C6orf132: variants seen among roughly 807,000 people sequenced by gnomAD.
The protein encoded by C6orf132 is uncharacterized protein C6orf132.
C6orf132 carries 43 observed loss-of-function variants against 65.3 expected under a neutral mutation model. The observed-to-expected ratio is 0.66, with a 90% CI of 0.52 to 0.85. The LOEUF (loss-of-function observed/expected upper bound fraction) is 0.85, where lower values mean the gene tolerates loss of function less well. Ranked by LOEUF, C6orf132 falls within the 40% of genes least tolerant of loss-of-function variation. The probability of loss-of-function intolerance (pLI) is 0.00; values close to 1 mark genes in which losing one functional copy is unlikely to be tolerated. For synonymous variants in C6orf132, 631 were observed against 654.1 expected (o/e 0.96, Z 0.54); for missense variants, 1,488 against 1,548.8 (o/e 0.96, Z 0.66).
In C6orf132 at chr6:42,105,511, C is replaced by T. The variant is rs559521854; in HGVS notation, c.2401G>A (p.Val801Met). The change falls in exon 4 of 5, where the codon GTG (valine) becomes ATG (methionine). Residue 801 changes from valine (V) to methionine (M), a missense_variant. Transcript: ENST00000341865. ...RGGAAGPGEPVEVKEPPGLPA... is the reference protein window; with the variant it reads ...RGGAAGPGEPMEVKEPPGLPA... Reference sequence around the variant, plus strand: ...AGCCCTGGGGGCTCCTTCACCTCCACGGGCTCCCCTGGCCCTGCAGCCCCT... The same window carrying T: ...AGCCCTGGGGGCTCCTTCACCTCCATGGGCTCCCCTGGCCCTGCAGCCCCT... 4.2e-4 allele frequency: 643 copies of T among 1,532,816 alleles called. 10 individuals carry two copies. In the South Asian group the frequency reaches 7.0e-3, roughly 17 times the overall value. The allele number at this position is 1,532,816 out of a possible 1,614,324, so 95.0% of individuals were successfully genotyped here.
chr6:42,128,541 C>A lies in C6orf132; in HGVS notation c.252+131G>T, dbSNP rs954677609. On this transcript the variant is annotated intron_variant, in intron 2 of 4. Coordinates refer to ENST00000341865, the MANE Select transcript of C6orf132 (RefSeq NM_001164446.3). ...GACCATGCCTCCTTCCAGTAGCCCC[C>A]CTTCCCGCCGGGTCAGCATCAGGAA... 15 of 670,396 alleles carry A rather than the reference C, an allele frequency of 2.2e-5. No individual in the cohort carries two copies. The African/African-American group carries it at 2.3e-4, about 10-fold the overall frequency. 41.5% of individuals were successfully genotyped at this position (670,396 alleles called of 1,614,324 possible).
chr6:42,112,632 C>A (rs1008689892), intron 2 of C6orf132, among the ~76,000 whole-genome samples: 1 of 152,208 alleles, frequency 6.6e-6, no homozygotes, highest in African/African-American at 2.4e-5. Context: ...CCAGAGCAAC[C>A]CACAGCCAAG....
chr6:42,137,327 C>T (rs114146452), intron 1 of C6orf132, among the ~76,000 whole-genome samples: 2,206 of 152,252 alleles, frequency 0.014, 25 homozygotes, highest in Non-Finnish European at 0.022. Flanking sequence ...TACAATGGGG[C>T]GGCGGAGGGT....
chr6:42,119,272 AAAAG>A (rs1210205882), intron 2 of C6orf132, among the ~76,000 whole-genome samples: 4 of 142,046 alleles, frequency 2.8e-5, no homozygotes, highest in Non-Finnish European at 6.1e-5. Context: ...AAAAAAAAAA[AAAAG>A]GGAGAATTCC....
At chr6:42,141,637 C>T (rs968015878) in intron 1 of C6orf132, among the ~76,000 whole-genome samples, 15 of 152,194 alleles carry the variant, frequency 9.9e-5, no homozygotes, top group Admixed American at 2.6e-4. Flanking sequence ...TCTGGCTCCT[C>T]GGTCTTAGCC....
chr6:42,123,807 A>C (rs1766727130), intron 2 of C6orf132, among the ~76,000 whole-genome samples: 1 of 152,104 alleles, frequency 6.6e-6, no homozygotes, highest in Non-Finnish European at 1.5e-5. Context: ...CCCAGGCCGC[A>C]GTATTCTCAT....
intron 2 of C6orf132, chr6:42,126,665 A>C (rs1294354269): frequency 4.0e-6 from 1 of 249,070 alleles, no homozygotes; most frequent in East Asian, 6.9e-5. Context: ...AAAATGGTGA[A>C]ACCCTGTCTC....
chr6:42,109,853 A>G (rs2127474341), intron 3 of C6orf132, among the ~76,000 whole-genome samples: 1 of 152,282 alleles, frequency 6.6e-6, no homozygotes, highest in African/African-American at 2.4e-5. Flanking sequence ...TGGAAGATAC[A>G]GAGGTAGGAG....
Position 42,142,590 on chromosome 6 carries a change from GT to G in C6orf132, c.-147del. On this transcript the variant is annotated 5_prime_UTR_variant, in exon 1 of 5. Transcript: ENST00000341865. ...TCCCCGCCCGCGCACCGGGCAACAG[GT>G]GCTGCGGGCGCCGCCGCTTGCCGGG... 1.5e-6 allele frequency: 1 copy of G among 674,400 alleles called. No individual in the cohort carries two copies. 41.8% of individuals were successfully genotyped at this position (674,400 alleles called of 1,614,324 possible).
In C6orf132 at chr6:42,128,755, G is replaced by T. The variant is rs374673003; in HGVS notation, c.169C>A (p.Arg57=). 3 of 1,551,338 alleles carry T rather than the reference G, an allele frequency of 1.9e-6. No individual in the cohort carries two copies. Among genetic ancestry groups the T allele is most frequent in the African/African-American group, 2.7e-5 (2 of 73,036 alleles). ...CCTGACTCGCTCACTGTGTTAAACC[G>T]ATTGTCTCCATAATAGATGCCATCT... is the stretch of plus-strand genomic sequence containing the variant. ...GFDGIYYGDN[R]FNTVSESGTA... is the part of the protein sequence containing the mutation. The change falls in exon 2 of 5, where the codon CGG becomes AGG. Residue 57 remains arginine (R), a synonymous_variant. Transcript: ENST00000341865.
intron 1 of C6orf132, among the ~76,000 whole-genome samples, chr6:42,131,310 G>A (rs116812168): frequency 0.021 from 3,249 of 152,246 alleles, 108 homozygotes; most frequent in African/African-American, 0.068. Context: ...TGTGTACCAC[G>A]CGCCCAGCCT....
intron 2 of C6orf132, among the ~76,000 whole-genome samples, chr6:42,113,839 G>GAA (rs148364732): frequency 2.0e-5 from 3 of 150,322 alleles, no homozygotes; most frequent in African/African-American, 4.9e-5. Flanking sequence ...AAAAAAGAAA[G>GAA]AAAAAAAAAG....
At chr6:42,114,313 G>C in intron 2 of C6orf132, among the ~76,000 whole-genome samples, 1 of 152,264 alleles carries the variant, frequency 6.6e-6, no homozygotes, top group South Asian at 2.1e-4. Flanking sequence ...GTCTGCCCTT[G>C]GAGCAAGTCC....
Position 42,142,348 on chromosome 6 carries a change from G to A in C6orf132, c.97C>T (p.Pro33Ser). The A allele has an allele frequency of 6.4e-7, 1 of 1,551,470 alleles. No individual in the cohort carries two copies. The highest frequency in any genetic ancestry group is 8.7e-7 in the Non-Finnish European group (1 of 1,146,868). ...GGGGCCTCCTGGGTGAAGATCCAGG[G>A]CGGATTGGTGGCGTAGAGGGAGGTG... is the stretch of plus-strand genomic sequence containing the variant. ...PSTSLYATNP[P>S]WIFTQEAPEE... The change falls in exon 1 of 5, where the codon CCC becomes TCC. Residue 33 changes from proline to serine, a missense_variant. By Grantham distance (74) the Pro-to-Ser change is moderately conservative. Coordinates refer to ENST00000341865, the MANE Select transcript of C6orf132 (RefSeq NM_001164446.3).
At chr6:42,128,829 G>C (rs548255485) in intron 1 of C6orf132, 51 bp from the exon 2 acceptor site, 206 of 1,381,436 alleles carry the variant, frequency 1.5e-4, no homozygotes, top group Non-Finnish European at 1.9e-4. Flanking sequence ...CAAGGCATCC[G>C]GCCACCCAAG....
chr6:42,132,015 G>A (rs772411840), intron 1 of C6orf132, among the ~76,000 whole-genome samples: 14 of 152,008 alleles, frequency 9.2e-5, no homozygotes, highest in Non-Finnish European at 1.9e-4. Context: ...TGTGAGAGGC[G>A]CTCAGCTGCC....
rs189140214 is a variant in C6orf132, at chr6:42,128,697, C to T, written c.227G>A (p.Arg76Gln). The T allele has an allele frequency of 1.9e-4, 290 of 1,551,436 alleles. No individual in the cohort carries two copies. In the African/African-American group the frequency reaches 3.3e-3, roughly 18 times the overall value. Reference sequence around the variant, plus strand: ...CAGCGGAAGGAAGGTCAGCAGGGGCCGGACTCTTGGCCGAGCTTTCAGCGT... The same window carrying T: ...CAGCGGAAGGAAGGTCAGCAGGGGCTGGACTCTTGGCCGAGCTTTCAGCGT... The part of the protein sequence containing the change: ...TATLKARPRV[R>Q]PLLTFLPLNA... Residue 76 changes from arginine (R) to glutamine (Q), a missense_variant, in exon 2 of 5, where the codon CGG (arginine) becomes CAG (glutamine). Coordinates refer to ENST00000341865, the MANE Select transcript of C6orf132 (RefSeq NM_001164446.3).
intron 2 of C6orf132, among the ~76,000 whole-genome samples, chr6:42,120,764 G>T (rs1208930818): frequency 6.6e-6 from 1 of 151,958 alleles, no homozygotes. Context: ...TAGGACTACA[G>T]GTGCATGCCA....
At chr6:42,128,584 G>T in intron 2 of C6orf132, 88 bp downstream of exon 2, 1 of 960,256 alleles carries the variant, frequency 1.0e-6, no homozygotes, top group Non-Finnish European at 1.6e-6. Flanking sequence ...GTGGACAGAG[G>T]GTGCAGCTGA....
Sources: allele counts gnomAD v4.1 joint callset (sites outside exome capture counted in the v4.1 genomes callset), GRCh38; gene constraint gnomAD v4.1.1; transcripts MANE v1.5; gene names NCBI Gene and HGNC (gene_info 2026-07-23, HGNC 2026-07-21).